Variants in ANPEP observed in about 807,000 individuals in gnomAD.
The protein encoded by ANPEP is aminopeptidase N.
In ANPEP, 70 loss-of-function variants were observed where a neutral mutation model predicts 114.6. The observed-to-expected ratio is 0.61, with a 90% CI of 0.50 to 0.75. The LOEUF (loss-of-function observed/expected upper bound fraction) is 0.75, where lower values mean the gene tolerates loss of function less well. ANPEP is among the 30% of genes least tolerant of loss of function. The probability of loss-of-function intolerance (pLI) is 0.00; values close to 1 mark genes in which losing one functional copy is unlikely to be tolerated. For synonymous variants in ANPEP, 548 were observed against 522.3 expected, an observed-to-expected ratio of 1.05 and a Z score of -0.67; for missense variants, 1,184 against 1,259.5, an observed-to-expected ratio of 0.94 and a Z score of 0.91.
In ANPEP at chr15:89,792,160, C is replaced by G; in HGVS notation, c.2528G>C (p.Arg843Thr). ...AGTCCCACCCTGCGCCAAGACTCAC[C>G]TGTTCAGGATCCACAACTCTTTGCT... The part of the protein sequence containing the change: ...ACSKELWILN[R>T]YLSYTLNPDL... The change falls in exon 18 of 21, where the codon AGG becomes ACG. Residue 843 changes from arginine to threonine, a missense_variant and splice_region_variant. Coordinates refer to ENST00000300060, the MANE Select transcript of ANPEP (RefSeq NM_001150.3). 6.2e-7 allele frequency: 1 copy of G among 1,613,584 alleles called. No individual in the cohort carries two copies. Among genetic ancestry groups the G allele is most frequent in the Non-Finnish European group, 8.5e-7 (1 of 1,179,648 alleles).
chr15:89,801,479 G>A lies in ANPEP; in HGVS notation c.1698C>T (p.Phe566=), dbSNP rs991736140. Residue 566 remains phenylalanine, a synonymous_variant, in exon 11 of 21, where the codon TTC becomes TTT. Coordinates refer to ENST00000300060, the MANE Select transcript of ANPEP (RefSeq NM_001150.3). ...TSTGTLSQEH[F]LLDPDSNVTR... ...TAACATTGGAATCGGGGTCAAGGAG[G>A]AAGTGCTCCTGGGAAAGGGTCCCCG... 2 of 1,614,210 alleles carry A rather than the reference G, an allele frequency of 1.2e-6. No homozygotes were observed. Among genetic ancestry groups the A allele is most frequent in the African/African-American group, 1.3e-5 (1 of 75,064 alleles).
At chr15:89,813,500 C>T (rs767570738) in intron 1 of ANPEP, among the ~76,000 whole-genome samples, 1 of 152,176 alleles carries the variant, frequency 6.6e-6, no homozygotes, top group South Asian at 2.1e-4. Flanking sequence ...GGGTGGCCTC[C>T]TTGCACTCAT....
intron 15 of ANPEP, 91 bp downstream of exon 15, chr15:89,797,484 T>G (rs1567157428): frequency 4.3e-5 from 63 of 1,457,316 alleles, no homozygotes; most frequent in Non-Finnish European, 5.7e-5. Flanking sequence ...TGACCAGGAG[T>G]CCAGTAGGCA....
Position 89,803,317 on chromosome 15 carries a change from G to A in ANPEP, c.1504-13C>T, listed in dbSNP as rs767344497. The A allele has an allele frequency of 3.5e-5, 56 of 1,613,886 alleles. 1 individual carries two copies. Among genetic ancestry groups the A allele is most frequent in the Middle Eastern group, 1.6e-4 (1 of 6,082 alleles). On this transcript the variant is annotated splice_polypyrimidine_tract_variant and intron_variant, in intron 9 of 20. Coordinates refer to ENST00000300060, the MANE Select transcript of ANPEP (RefSeq NM_001150.3). The surrounding 1 kb of genome is among the most constrained non-coding windows in gnomAD (Gnocchi z 4.2). ...TGTGGAGGTAGGACTGTGGAAAGAC[G>A]GGGCACAGTGAGAGCACAGCTGGAG...
At position 89,803,281 on chromosome 15, in the gene ANPEP, G is replaced by A. The variant is rs748734365; in HGVS notation, c.1527C>T (p.Tyr509=). 6 of 1,614,134 alleles carry A rather than the reference G, an allele frequency of 3.7e-6. No homozygotes were observed. Among genetic ancestry groups the A allele is most frequent in the Middle Eastern group, 3.3e-4 (2 of 6,060 alleles). The change falls in exon 10 of 21, where the codon TAC becomes TAT. Residue 509 remains tyrosine (Y), a synonymous_variant. Transcript: ENST00000300060. The surrounding 1 kb of genome is among the most constrained non-coding windows in gnomAD (Gnocchi z 4.2). ...ACAGGTTCAGGTAGATGGTGTTCTG[G>A]TAGGCAAAGGTGTGGAGGTAGGACT... ...GLASYLHTFA[Y]QNTIYLNLWD...
chr15:89,810,072 C>T (rs1894790892), intron 1 of ANPEP, among the ~76,000 whole-genome samples: 1 of 152,158 alleles, frequency 6.6e-6, no homozygotes, highest in African/African-American at 2.4e-5. Context: ...CCACCTCTAT[C>T]ACAGCACTTA....
rs1894583376 is a variant in ANPEP at position 89,801,274 on chromosome 15, C to T, written c.1743-87G>A. ...GCTGCCCAGGCTCCCAGCTTCTGCC[C>T]AGCTCTGGCACCGAGTGCCCCTGAA... On this transcript the variant is annotated intron_variant, in intron 11 of 20. Coordinates refer to ENST00000300060, the MANE Select transcript of ANPEP (RefSeq NM_001150.3). 9.0e-6 allele frequency: 14 copies of T among 1,561,236 alleles called. No individual in the cohort carries two copies. In the South Asian group the frequency reaches 1.5e-4, roughly 16 times the overall value.
rs141945020 is a variant in ANPEP at position 89,806,195 on chromosome 15, G to A, written c.389C>T (p.Thr130Ile). The A allele has an allele frequency of 6.2e-6, 10 of 1,614,020 alleles. No individual in the cohort carries two copies. The highest frequency in any genetic ancestry group is 3.3e-5 in the Admixed American group (2 of 60,006). Reference protein sequence around the residue: ...IIIHSKKLNYTLSQGHRVVLR... With the variant: ...IIIHSKKLNYILSQGHRVVLR... Reference sequence around the variant, plus strand: ...GACCACCCTGTGCCCCTGGCTGAGGGTGTAGTTGAGCTTCTTGCTGTGGAT... The same window carrying A: ...GACCACCCTGTGCCCCTGGCTGAGGATGTAGTTGAGCTTCTTGCTGTGGAT... Residue 130 changes from threonine to isoleucine, a missense_variant, in exon 2 of 21, where the codon ACC becomes ATC. Coordinates refer to ENST00000300060, the MANE Select transcript of ANPEP (RefSeq NM_001150.3). The surrounding 1 kb of genome is among the most constrained non-coding windows in gnomAD (Gnocchi z 5.7).
intron 20 of ANPEP, among the ~76,000 whole-genome samples, chr15:89,786,101 C>G (rs1036408375): frequency 9.2e-5 from 14 of 152,120 alleles, no homozygotes; most frequent in African/African-American, 3.4e-4. Context: ...CAATTGTATT[C>G]CCATACATTA....
In ANPEP at chr15:89,790,512, T is replaced by C. The variant is rs757565877; in HGVS notation, c.2699A>G (p.Asn900Ser). 3 of 1,613,446 alleles carry C rather than the reference T, an allele frequency of 1.9e-6. No individual in the cohort carries two copies. The highest frequency in any genetic ancestry group is 2.5e-6 in the Non-Finnish European group (3 of 1,179,778). ...DYGGGSFSFS[N>S]LIQAVTRRFS... ...TCGTCGTGTCACTGCCTGGATGAGG[T>C]TGGAGAAGGAGAACGAGCCACCACC... is the stretch of plus-strand genomic sequence containing the variant. The change falls in exon 20 of 21, where the codon AAC becomes AGC. Residue 900 changes from asparagine to serine, a missense_variant. Transcript: ENST00000300060.
chr15:89,790,724 CCT>C (rs1968604718), intron 19 of ANPEP, among the ~76,000 whole-genome samples, 183 bp from the exon 20 acceptor site: 1 of 152,170 alleles, frequency 6.6e-6, no homozygotes, highest in East Asian at 1.9e-4. Context: ...TCCTCACTCC[CCT>C]CTCTTCTGGA....
At chr15:89,792,017 G>T (rs1372723446) in intron 18 of ANPEP, 143 bp downstream of exon 18, 2 of 970,508 alleles carry the variant, frequency 2.1e-6, no homozygotes, top group African/African-American at 1.6e-5. Flanking sequence ...CTTCCAGTCT[G>T]CACCGGTTAC....
At chr15:89,801,023 G>A (rs1232769987) in intron 12 of ANPEP, 88 bp downstream of exon 12, 3 of 1,147,714 alleles carry the variant, frequency 2.6e-6, no homozygotes, top group African/African-American at 3.0e-5. Flanking sequence ...TTTGTTGAAT[G>A]GAATGGCCCA....
At chr15:89,793,685 A>G (rs1451511024) in intron 15 of ANPEP, among the ~76,000 whole-genome samples, 1 of 145,020 alleles carries the variant, frequency 6.9e-6, no homozygotes, top group Non-Finnish European at 1.5e-5. Flanking sequence ...CCTGGGTAAC[A>G]GAGCGAGACT....
chr15:89,805,891 G>A, intron 2 of ANPEP, 79 bp downstream of exon 2: 1 of 1,521,148 alleles, frequency 6.6e-7, no homozygotes, highest in African/African-American at 1.4e-5. Context: ...TGCAAGCTAA[G>A]TCCTTCCTTG....
chr15:89,803,942 C>T lies in ANPEP; in HGVS notation c.1240G>A (p.Ala414Thr), dbSNP rs183757710. 29 of 1,614,156 alleles carry T rather than the reference C, an allele frequency of 1.8e-5. No homozygotes were observed. Among genetic ancestry groups the T allele is most frequent in the Admixed American group, 1.2e-4 (7 of 60,026 alleles). Residue 414 changes from alanine (A) to threonine (T), a missense_variant, in exon 7 of 21, where the codon GCC becomes ACC. Physicochemically the swap from Ala to Thr is moderately conservative, Grantham distance 58. Transcript: ENST00000300060. This position sits in a 1 kb window ranked among gnomAD's most constrained non-coding sequence, Gnocchi z 4.2. ...WNDLWLNEGF[A>T]SYVEYLGADY... Reference sequence around the variant, plus strand: ...GCACCCAGGTACTCCACGTAGGAGGCGAAGCCCTCGTTCAGCCACAGGTCA... The same window carrying T: ...GCACCCAGGTACTCCACGTAGGAGGTGAAGCCCTCGTTCAGCCACAGGTCA...
chr15:89,786,782 C>A (rs1348399081), intron 20 of ANPEP, among the ~76,000 whole-genome samples: 2 of 151,634 alleles, frequency 1.3e-5, no homozygotes, highest in African/African-American at 2.4e-5. Context: ...ATGGTACAGG[C>A]ATAAGGATGC....
Position 89,801,618 on chromosome 15 carries a change from A to G in ANPEP, c.1570-11T>C. 1 of 1,611,778 alleles carries G rather than the reference A, an allele frequency of 6.2e-7. No homozygotes were observed. Among genetic ancestry groups the G allele is most frequent in the Non-Finnish European group, 8.5e-7 (1 of 1,178,516 alleles). On this transcript the variant is annotated splice_polypyrimidine_tract_variant and intron_variant, in intron 10 of 20. Coordinates refer to ENST00000300060, the MANE Select transcript of ANPEP (RefSeq NM_001150.3). ...CCGGTTGTTCACAGCCTGTGGGTGG[A>G]GCGAGAGGGCGTGGCCATCAGTGGG... is the stretch of plus-strand genomic sequence containing the variant.
At position 89,806,648 on chromosome 15, in the gene ANPEP, G is replaced by A. The variant is rs946472705; in HGVS notation, c.-65C>T. 2.4e-5 allele frequency: 35 copies of A among 1,474,802 alleles called. No individual in the cohort carries two copies. The highest frequency in any genetic ancestry group is 2.7e-5 in the Non-Finnish European group (30 of 1,112,440). The allele number at this position is 1,474,802 out of a possible 1,614,324, so 91.4% of individuals were successfully genotyped here. A position where few individuals can be genotyped will look rare whatever the true frequency, so the allele number is the denominator to read the frequency against. On this transcript the variant is annotated 5_prime_UTR_variant, in exon 2 of 21. Coordinates refer to ENST00000300060, the MANE Select transcript of ANPEP (RefSeq NM_001150.3). The surrounding 1 kb of genome is among the most constrained non-coding windows in gnomAD (Gnocchi z 5.7). ...GCAGAGAACGGAGCAGCCCCAGGCC[G>A]GGCTTATATCCCCAAAGGGGAGGAG...
Sources: allele counts gnomAD v4.1 joint callset (sites outside exome capture counted in the v4.1 genomes callset), GRCh38; gene constraint gnomAD v4.1.1; non-coding constraint Gnocchi (gnomAD v3.1); transcripts MANE v1.5; gene names NCBI Gene and HGNC (gene_info 2026-07-23, HGNC 2026-07-21).